CACNA1C: variants seen among roughly 807,000 people sequenced by gnomAD.
CACNA1C encodes the protein calcium voltage-gated channel subunit alpha1 C.
A neutral mutation model predicts 229.0 loss-of-function variants in CACNA1C; 30 were observed. That is an observed-to-expected ratio of 0.13 (90% CI 0.10 to 0.18). CACNA1C has a LOEUF of 0.18. Ranked by LOEUF, CACNA1C falls within the 10% of genes least tolerant of loss-of-function variation. CACNA1C has a pLI of 1.00. For missense variants in CACNA1C, 1,658 were observed against 2,845.0 expected (o/e 0.58, Z 9.49); for synonymous variants, 1,114 against 1,132.5 (o/e 0.98, Z 0.33).
chr12:2,585,831 C>G lies in CACNA1C; in HGVS notation c.2461-4C>G. The stretch of plus-strand genomic sequence containing the variant: ...CTTCCCCCTTCTCCCCTGTGACTGT[C>G]TAGATCAACATGGATGACCTCCAGC... On this transcript the variant is annotated splice_polypyrimidine_tract_variant and splice_region_variant and intron_variant, in intron 17 of 46. Coordinates refer to ENST00000399655, the MANE Select transcript of CACNA1C (RefSeq NM_000719.7). This position sits in a 1 kb window ranked among gnomAD's most constrained non-coding sequence, Gnocchi z 4.1. 2 of 1,604,624 alleles carry G rather than the reference C, an allele frequency of 1.2e-6. No individual in the cohort carries two copies. Among genetic ancestry groups the G allele is most frequent in the Non-Finnish European group, 8.5e-7 (1 of 1,173,800 alleles).
intron 1 of CACNA1C, among the ~76,000 whole-genome samples, chr12:2,074,225 G>T (rs890118133): frequency 6.6e-6 from 1 of 152,112 alleles, no homozygotes; most frequent in African/African-American, 2.4e-5. Context: ...ATTCAGCTAG[G>T]TTGGTAAATC....
chr12:2,531,898 C>A (rs554134471), intron 9 of CACNA1C, among the ~76,000 whole-genome samples: 1 of 152,190 alleles, frequency 6.6e-6, no homozygotes, highest in African/African-American at 2.4e-5. Flanking sequence ...AGTCTCTCCA[C>A]CCTGCTTCTT....
At chr12:2,657,547 A>G (rs1357999918) in intron 34 of CACNA1C, among the ~76,000 whole-genome samples, 1 of 152,236 alleles carries the variant, frequency 6.6e-6, no homozygotes, top group Non-Finnish European at 1.5e-5. Context: ...TTAGCAATCC[A>G]TCAAAAGGAA....
intron 3 of CACNA1C, among the ~76,000 whole-genome samples, chr12:2,187,225 T>A (rs2097060171): frequency 6.6e-6 from 1 of 152,210 alleles, no homozygotes; most frequent in African/African-American, 2.4e-5. Context: ...TCAGAGAGGT[T>A]AAATGATTGC....
At chr12:2,458,398 G>A (rs2099459857) in intron 5 of CACNA1C, among the ~76,000 whole-genome samples, 1 of 152,348 alleles carries the variant, frequency 6.6e-6, no homozygotes, top group East Asian at 1.9e-4. Flanking sequence ...TGCACCCCAG[G>A]TACTGAACAC....
In CACNA1C at chr12:2,504,908, T is replaced by C. The variant is rs753538989; in HGVS notation, c.1180T>C (p.Phe394Leu). 2 of 1,604,950 alleles carry C rather than the reference T, an allele frequency of 1.2e-6. No homozygotes were observed. The highest frequency in any genetic ancestry group is 1.7e-5 in the Admixed American group (1 of 59,984). The change falls in exon 8 of 47, where the codon TTT (phenylalanine) becomes CTT (leucine). Residue 394 changes from phenylalanine to leucine, a missense_variant. Phe to Leu is a conservative substitution (Grantham distance 22, BLOSUM62 0). Transcript: ENST00000399655. This position sits in a 1 kb window ranked among gnomAD's most constrained non-coding sequence, Gnocchi z 6.8. Reference sequence around the variant, plus strand: ...TGTTACACTAATCATCATAGGGTCATTTTTTGTACTTAACTTGGTTCTCGG... The same window carrying C: ...TGTTACACTAATCATCATAGGGTCACTTTTTGTACTTAACTTGGTTCTCGG... ...YFVTLIIIGS[F>L]FVLNLVLGVL...
At chr12:2,151,544 C>T (rs1033348297) in intron 3 of CACNA1C, among the ~76,000 whole-genome samples, 1 of 152,200 alleles carries the variant, frequency 6.6e-6, no homozygotes, top group Non-Finnish European at 1.5e-5. Flanking sequence ...CTATCACATA[C>T]ATTTCAGTAG....
intron 3 of CACNA1C, among the ~76,000 whole-genome samples, chr12:2,396,350 T>TGG (rs2098576193): frequency 6.6e-6 from 1 of 152,190 alleles, no homozygotes; most frequent in South Asian, 2.1e-4. Context: ...CAAAGCTGTT[T>TGG]CTGCTCCCTT....
intron 3 of CACNA1C, among the ~76,000 whole-genome samples, chr12:2,340,415 C>G (rs1432864868): frequency 6.6e-6 from 1 of 152,180 alleles, no homozygotes; most frequent in African/African-American, 2.4e-5. Context: ...CTTTATTAAT[C>G]TGAAAGGAAG....
At chr12:2,313,956 C>T (rs1279971040) in intron 3 of CACNA1C, among the ~76,000 whole-genome samples, 1 of 152,218 alleles carries the variant, frequency 6.6e-6, no homozygotes, top group East Asian at 1.9e-4. Flanking sequence ...GCCAGGGAGG[C>T]TCAGGAAAAT....
At chr12:2,546,044 C>T (rs2099880265) in intron 9 of CACNA1C, among the ~76,000 whole-genome samples, 1 of 152,234 alleles carries the variant, frequency 6.6e-6, no homozygotes, top group Non-Finnish European at 1.5e-5. Context: ...TGTCTTCACA[C>T]TCTTCCGTGC....
intron 3 of CACNA1C, among the ~76,000 whole-genome samples, chr12:2,393,703 A>C (rs539109213): frequency 6.6e-6 from 1 of 152,346 alleles, no homozygotes; most frequent in Non-Finnish European, 1.5e-5. Flanking sequence ...TCTGGTTTAA[A>C]TCCTTGGCAG....
chr12:2,567,023 C>G (rs1031215101), intron 12 of CACNA1C, among the ~76,000 whole-genome samples: 1 of 152,202 alleles, frequency 6.6e-6, no homozygotes, highest in South Asian at 2.1e-4. Context: ...CACAAGGAAC[C>G]GTCTTCAATG....
chr12:2,657,818 A>G (rs12228141), intron 34 of CACNA1C, among the ~76,000 whole-genome samples: 13,148 of 152,262 alleles, frequency 0.086, 703 homozygotes, highest in Admixed American at 0.15. Context: ...TGTAGACGTA[A>G]TAATAGCAGT....
intron 3 of CACNA1C, among the ~76,000 whole-genome samples, chr12:2,328,893 A>T (rs2096439637): frequency 6.6e-6 from 1 of 152,242 alleles, no homozygotes; most frequent in Admixed American, 6.5e-5. Context: ...CAGAATGACT[A>T]AGGAGCAATG....
intron 3 of CACNA1C, among the ~76,000 whole-genome samples, chr12:2,344,650 A>T (rs2096958112): frequency 6.6e-6 from 1 of 151,954 alleles, no homozygotes; most frequent in Admixed American, 6.5e-5. Flanking sequence ...ACCTTGCTTT[A>T]TTCCCACAGC....
intron 3 of CACNA1C, among the ~76,000 whole-genome samples, chr12:2,326,766 G>T (rs1343141463): frequency 1.3e-5 from 2 of 152,206 alleles, no homozygotes; most frequent in Non-Finnish European, 1.5e-5. Context: ...AAAGCTTAGC[G>T]TGATACTTGA....
chr12:2,102,043 T>C (rs1306463687), intron 1 of CACNA1C, among the ~76,000 whole-genome samples: 2 of 152,244 alleles, frequency 1.3e-5, no homozygotes, highest in Non-Finnish European at 2.9e-5. Flanking sequence ...CAGGCTGCCC[T>C]GGGCTCTGAG....
At chr12:2,336,832 G>A (rs2096710623) in intron 3 of CACNA1C, among the ~76,000 whole-genome samples, 3 of 152,158 alleles carry the variant, frequency 2.0e-5, no homozygotes, top group Admixed American at 2.0e-4. Flanking sequence ...GGGCAGCAGT[G>A]GTGGGAGAAA....
Sources: allele counts gnomAD v4.1 joint callset (sites outside exome capture counted in the v4.1 genomes callset), GRCh38; gene constraint gnomAD v4.1.1; non-coding constraint Gnocchi (gnomAD v3.1); transcripts MANE v1.5; gene names NCBI Gene and HGNC (gene_info 2026-07-23, HGNC 2026-07-21).